Variants in RAP1GAP observed in about 807,000 individuals in gnomAD.
RAP1GAP encodes the protein rap1 GTPase-activating protein 1.
RAP1GAP carries 35 observed loss-of-function variants against 87.2 expected under a neutral mutation model. The ratio of observed to expected loss-of-function variants is 0.40; its 90% CI spans 0.31 to 0.53. The LOEUF (loss-of-function observed/expected upper bound fraction) is 0.53. Among genes scored for constraint, RAP1GAP ranks in the 20% least tolerant of loss-of-function variants. The pLI, the probability that RAP1GAP is intolerant of heterozygous loss-of-function variation, is 0.48. For missense variants in RAP1GAP, 734 were observed against 898.9 expected (o/e 0.82, Z 2.35); for synonymous variants, 375 against 363.9 (o/e 1.03, Z -0.35).
rs1381753518 is a variant in RAP1GAP, at chr1:21,615,869, C to G, written c.291+1437G>C. On this transcript the variant is annotated intron_variant, in intron 7 of 24. Transcript: ENST00000374765. This position sits in a 1 kb window ranked among gnomAD's most constrained non-coding sequence, Gnocchi z 4.5. ...AGATCCTACCACCTGCCAGACCCAG[C>G]TGGGAACCTCTGGACAGCAGGTGCC... Among the ~76,000 whole-genome samples the G allele has an allele frequency of 6.6e-6, 1 of 152,182 alleles. No individual in the cohort carries two copies. The highest frequency in any genetic ancestry group is 6.5e-5 in the Admixed American group (1 of 15,280).
At chr1:21,605,747 A>G (rs919521663) in intron 18 of RAP1GAP, among the ~76,000 whole-genome samples, 1 of 152,236 alleles carries the variant, frequency 6.6e-6, no homozygotes. Flanking sequence ...TAGATACTCA[A>G]TAAGGAATGA....
rs755617800 is a variant in RAP1GAP at position 21,634,762 on chromosome 1, C to G, written c.-112-8365G>C. 2.1e-6 allele frequency: 1 copy of G among 478,454 alleles called. No individual in the cohort carries two copies. The highest frequency in any genetic ancestry group is 4.2e-6 in the Non-Finnish European group (1 of 238,120). 29.6% of individuals were successfully genotyped at this position (478,454 alleles called of 1,614,324 possible). A position where few individuals can be genotyped will look rare whatever the true frequency, so the allele number is the denominator to read the frequency against. ...TCTGGGAACCAGGCCACCCATTTACCTGCTGTCTATCCAGCATCTGTCTCC... is the reference window on the plus strand; with the variant it reads ...TCTGGGAACCAGGCCACCCATTTACGTGCTGTCTATCCAGCATCTGTCTCC... On this transcript the variant is annotated intron_variant, in intron 2 of 24. Transcript: ENST00000374765. This position sits in a 1 kb window ranked among gnomAD's most constrained non-coding sequence, Gnocchi z 4.1.
chr1:21,630,167 G>A (rs1427239565), intron 2 of RAP1GAP, among the ~76,000 whole-genome samples: 3 of 152,236 alleles, frequency 2.0e-5, no homozygotes, highest in Non-Finnish European at 4.4e-5. Flanking sequence ...AAAGTCTGAA[G>A]ATTTGACCTC....
chr1:21,631,465 C>G (rs190924165), intron 2 of RAP1GAP, among the ~76,000 whole-genome samples: 2 of 152,314 alleles, frequency 1.3e-5, no homozygotes, highest in East Asian at 3.9e-4. Context: ...GCGGGTGGAT[C>G]GCCTGAGGCC....
chr1:21,605,831 G>A (rs1380050805), intron 18 of RAP1GAP, among the ~76,000 whole-genome samples: 3 of 152,250 alleles, frequency 2.0e-5, no homozygotes, highest in African/African-American at 7.2e-5. Flanking sequence ...AGGAGGGGAG[G>A]GCCAAGGAGC....
chr1:21,649,287 C>T (rs1410287765), intron 2 of RAP1GAP, among the ~76,000 whole-genome samples: 3 of 151,868 alleles, frequency 2.0e-5, no homozygotes, highest in African/African-American at 7.3e-5. Flanking sequence ...GGGGGAGTAA[C>T]TAGAGGATTT....
Position 21,603,285 on chromosome 1 carries a change from C to A in RAP1GAP, c.1429-372G>T. 1 of 390,268 alleles carries A rather than the reference C, an allele frequency of 2.6e-6. No individual in the cohort carries two copies. The highest frequency in any genetic ancestry group is 4.7e-6 in the Non-Finnish European group (1 of 214,948). The allele number at this position is 390,268 out of a possible 1,614,324, so 24.2% of individuals were successfully genotyped here. ...AGTGGTCAGAGGGCAGTGTAGCAAC[C>A]CAAGTCCCACCCCGTGCCAGCTAGG... On this transcript the variant is annotated intron_variant, in intron 18 of 24. Coordinates refer to ENST00000374765, the MANE Select transcript of RAP1GAP (RefSeq NM_002885.4). This position sits in a 1 kb window ranked among gnomAD's most constrained non-coding sequence, Gnocchi z 6.0.
intron 15 of RAP1GAP, 54 bp from the exon 16 acceptor site, chr1:21,608,990 A>T: frequency 6.7e-7 from 1 of 1,487,438 alleles, no homozygotes; most frequent in East Asian, 2.3e-5. Flanking sequence ...ATGACACATA[A>T]ACAAGGGTCG....
At position 21,668,857 on chromosome 1, in the gene RAP1GAP, C is replaced by T. The variant is rs925477116; in HGVS notation, c.-149+397G>A. Among the ~76,000 whole-genome samples the T allele has an allele frequency of 6.6e-6, 1 of 151,898 alleles. No homozygotes were observed. Among genetic ancestry groups the T allele is most frequent in the African/African-American group, 2.4e-5 (1 of 41,378 alleles). On this transcript the variant is annotated intron_variant, in intron 1 of 24. Coordinates refer to ENST00000374765, the MANE Select transcript of RAP1GAP (RefSeq NM_002885.4). The surrounding 1 kb of genome is among the most constrained non-coding windows in gnomAD (Gnocchi z 6.2). ...CTGGGGGGCGCTAGGGCTTGGGCCC[C>T]TCCCCAGGGATGGAGGAAACGCGCC...
intron 1 of RAP1GAP, chr1:21,665,357 C>T (rs1476592880): frequency 4.8e-6 from 2 of 420,788 alleles, no homozygotes; most frequent in African/African-American, 2.0e-5. Context: ...TTGAGCCTCA[C>T]CTCCTCATCT....
rs2092034497 is a variant in RAP1GAP at position 21,626,328 on chromosome 1, G to C, written c.-43C>G. The C allele has an allele frequency of 6.2e-7, 1 of 1,610,974 alleles. No homozygotes were observed. The highest frequency in any genetic ancestry group is 1.3e-5 in the African/African-American group (1 of 74,872). ...CCTTAGGGTAGAGTGAAGGAGTATA[G>C]GAGGGAACTAAGTTCACTCGTGACA... On this transcript the variant is annotated 5_prime_UTR_variant, in exon 3 of 25. Coordinates refer to ENST00000374765, the MANE Select transcript of RAP1GAP (RefSeq NM_002885.4).
At position 21,598,413 on chromosome 1, in the gene RAP1GAP, C is replaced by T. The variant is rs950684097; in HGVS notation, c.1866G>A (p.Gly622=). 5.6e-6 allele frequency: 9 copies of T among 1,613,464 alleles called. No homozygotes were observed. The highest frequency in any genetic ancestry group is 6.8e-6 in the Non-Finnish European group (8 of 1,179,546). ...TTGTCCTGGTACCTGGGGAGCTGCC[C>T]CCACTAGTGGTGCTGACACTGTCCT... is the stretch of plus-strand genomic sequence containing the variant. ...WLEDSVSTTS[G]GSSPGPSRSP... Residue 622 remains glycine, a synonymous_variant, in exon 22 of 25, where the codon GGG becomes GGA. Transcript: ENST00000374765.
At chr1:21,604,406 C>T (rs1043821327) in intron 18 of RAP1GAP, among the ~76,000 whole-genome samples, 2 of 151,264 alleles carry the variant, frequency 1.3e-5, no homozygotes, top group African/African-American at 2.4e-5. Flanking sequence ...GGCCACAGGA[C>T]GGGGAAAGGG....
intron 5 of RAP1GAP, among the ~76,000 whole-genome samples, chr1:21,618,368 A>G (rs944322008): frequency 1.3e-5 from 2 of 151,996 alleles, no homozygotes; most frequent in Non-Finnish European, 2.9e-5. Context: ...CTGCCCATGC[A>G]CCCTCCTCTA....
Position 21,613,611 on chromosome 1 carries a change from C to A in RAP1GAP, c.474+17G>T, listed in dbSNP as rs200716218. 6 of 1,603,256 alleles carry A rather than the reference C, an allele frequency of 3.7e-6. No homozygotes were observed. In the Admixed American group the frequency reaches 1.0e-4, roughly 27 times the overall value. ...TGCGGAGCCAGCCCGGGAAGCTCAG[C>A]GGAGCGGAGACCTCACCTTTGCCAT... On this transcript the variant is annotated intron_variant, in intron 9 of 24. Coordinates refer to ENST00000374765, the MANE Select transcript of RAP1GAP (RefSeq NM_002885.4). The surrounding 1 kb of genome is among the most constrained non-coding windows in gnomAD (Gnocchi z 4.7).
chr1:21,630,267 T>C (rs1037925915), intron 2 of RAP1GAP, among the ~76,000 whole-genome samples: 14 of 73,574 alleles, frequency 1.9e-4, no homozygotes, highest in Admixed American at 3.1e-4. Flanking sequence ...TCTTTTTCCC[T>C]TTTTTTTTTT....
At chr1:21,619,955 C>T in intron 4 of RAP1GAP, 60 bp downstream of exon 4, 1 of 1,583,528 alleles carries the variant, frequency 6.3e-7, no homozygotes, top group African/African-American at 1.3e-5. Context: ...GCAAGGGCCC[C>T]CCAGCCCCAG....
chr1:21,614,347 C>T (rs2080551436), intron 7 of RAP1GAP, among the ~76,000 whole-genome samples: 1 of 152,316 alleles, frequency 6.6e-6, no homozygotes, highest in African/African-American at 2.4e-5. Flanking sequence ...GAACCCTGTA[C>T]TTTGGTGGCA....
At chr1:21,666,636 GGTC>G (rs970473276) in intron 1 of RAP1GAP, among the ~76,000 whole-genome samples, 8 of 152,250 alleles carry the variant, frequency 5.3e-5, no homozygotes, top group Admixed American at 3.9e-4. Context: ...TGCTGGGGAC[GGTC>G]GGGGGCCTCC....
Sources: gnomAD v4.1 joint callset for allele counts (sites outside exome capture counted in the v4.1 genomes callset) on GRCh38, gnomAD v4.1.1 for gene constraint, Gnocchi (gnomAD v3.1) non-coding constraint, MANE v1.5 for transcripts, NCBI Gene and HGNC (gene_info 2026-07-23, HGNC 2026-07-21) for gene names.